The following PCDHGB2 variants were observed in gnomAD, a reference collection of about 807,000 sequenced individuals.
PCDHGB2 encodes protocadherin gamma subfamily B, 2.
Under a neutral mutation model 59.3 loss-of-function variants are expected in PCDHGB2, and 55 were observed. The ratio of observed to expected loss-of-function variants is 0.93; its 90% CI spans 0.75 to 1.16. The LOEUF is 1.16. Ranked by LOEUF, PCDHGB2 falls within the 50% of genes most tolerant of loss-of-function variation. The probability of loss-of-function intolerance (pLI) is 0.00; values close to 1 mark genes in which losing one functional copy is unlikely to be tolerated. For missense variants in PCDHGB2, 1,228 were observed against 1,198.5 expected (o/e 1.02, Z -0.36); for synonymous variants, 516 against 512.0 (o/e 1.01, Z -0.11).
chr5:141,402,854 C>A, intron 1 of PCDHGB2: 2 of 1,423,530 alleles, frequency 1.4e-6, no homozygotes, highest in Non-Finnish European at 1.8e-6. Flanking sequence ...CCTCTTTCTT[C>A]TAAGGAAAAG....
chr5:141,511,140 C>T lies in PCDHGB2; in HGVS notation c.2763C>T (p.Asn921=). Reference sequence around the variant, plus strand: ...AGGCCCCAGCAGGTGGCAATGGCAACAAGAAGAAGTCGGGCAAGAAGGAGA... The same window carrying T: ...AGGCCCCAGCAGGTGGCAATGGCAATAAGAAGAAGTCGGGCAAGAAGGAGA... ...DGKAPAGGNG[N]KKKSGKKEKK is the part of the protein sequence containing the mutation. Residue 921 remains asparagine (N), a synonymous_variant, in exon 4 of 4, where the codon AAC becomes AAT. Transcript: ENST00000522605. The T allele has an allele frequency of 1.2e-6, 2 of 1,614,186 alleles. No homozygotes were observed. The highest frequency in any genetic ancestry group is 1.3e-5 in the African/African-American group (1 of 75,050).
intron 1 of PCDHGB2, chr5:141,419,944 C>T (rs1375807568): frequency 6.2e-7 from 1 of 1,614,066 alleles, no homozygotes; most frequent in South Asian, 1.1e-5. Flanking sequence ...TGGTGGTGGC[C>T]TTGGCCTTGA....
At chr5:141,419,663 G>T (rs1459319505) in intron 1 of PCDHGB2, 1 of 1,612,710 alleles carries the variant, frequency 6.2e-7, no homozygotes, top group Non-Finnish European at 8.5e-7. Flanking sequence ...GGGGCACAAT[G>T]CCTGGCTGTC....
In PCDHGB2 at chr5:141,490,000, A is replaced by G. The variant is rs762999106; in HGVS notation, c.2422-4807A>G. The G allele has an allele frequency of 6.2e-7, 1 of 1,614,198 alleles. No individual in the cohort carries two copies. Among genetic ancestry groups the G allele is most frequent in the Admixed American group, 1.7e-5 (1 of 60,032 alleles). ...AGTTCTACGTGTGGGAATCCCAGAG[A>G]ATGCACCCATTGGTACTCTGCTGCT... On this transcript the variant is annotated intron_variant, in intron 1 of 3. Coordinates refer to ENST00000522605, the MANE Select transcript of PCDHGB2 (RefSeq NM_018923.3). The surrounding 1 kb of genome is among the most constrained non-coding windows in gnomAD (Gnocchi z 4.5).
intron 1 of PCDHGB2, among the ~76,000 whole-genome samples, chr5:141,436,613 A>C (rs1334315821): frequency 1.3e-5 from 2 of 152,206 alleles, no homozygotes; most frequent in Non-Finnish European, 2.9e-5. Flanking sequence ...AGGGCTAACA[A>C]AAATCTGATT....
chr5:141,424,616 T>C (rs1487572877), intron 1 of PCDHGB2: 1 of 152,152 alleles, frequency 6.6e-6, no homozygotes, highest in Non-Finnish European at 1.5e-5. Flanking sequence ...TCAAATAGAG[T>C]AGTTTGTGAA....
chr5:141,475,908 A>G (rs531350638), intron 1 of PCDHGB2: 110 of 585,688 alleles, frequency 1.9e-4, no homozygotes, highest in Non-Finnish European at 2.5e-4. Context: ...CTGTCGGCCA[A>G]TGAAGACGCT....
chr5:141,366,863 C>T, intron 1 of PCDHGB2: 2 of 1,430,882 alleles, frequency 1.4e-6, no homozygotes, highest in African/African-American at 1.4e-5. Flanking sequence ...ACATTATTTG[C>T]TGTATTGGAG....
At chr5:141,391,358 G>T (rs2150448712) in intron 1 of PCDHGB2, 1 of 150,474 alleles carries the variant, frequency 6.6e-6, no homozygotes, top group East Asian at 1.9e-4. Context: ...TGTTACTCAG[G>T]CTGTAGTGCA....
chr5:141,374,065 A>G (rs776038796), intron 1 of PCDHGB2: 1 of 1,497,724 alleles, frequency 6.7e-7, no homozygotes, highest in Non-Finnish European at 8.9e-7. Flanking sequence ...ATCCCAGAGA[A>G]GTTCCTAATA....
At chr5:141,387,764 A>AT (rs1054166588) in intron 1 of PCDHGB2, 8 of 1,430,464 alleles carry the variant, frequency 5.6e-6, no homozygotes, top group Non-Finnish European at 7.4e-6. Context: ...AAAAAGAAGA[A>AT]TTTTTTCTTG....
chr5:141,465,781 T>G (rs2099109506), intron 1 of PCDHGB2, among the ~76,000 whole-genome samples: 1 of 150,278 alleles, frequency 6.7e-6, no homozygotes, highest in Non-Finnish European at 1.5e-5. Context: ...TTGTTACAGT[T>G]TTTTTTTTTT....
Position 141,437,485 on chromosome 5 carries a change from C to T in PCDHGB2, c.2422-57322C>T, listed in dbSNP as rs372023505. The stretch of plus-strand genomic sequence containing the variant: ...TATACTTTTATAGCATATTTAATCT[C>T]GTAGATCACTTTTCAATGAATTATA... On this transcript the variant is annotated intron_variant, in intron 1 of 3. Transcript: ENST00000522605. Among the ~76,000 whole-genome samples, 16 of 152,188 alleles carry T rather than the reference C, an allele frequency of 1.1e-4. No individual in the cohort carries two copies. In the East Asian group the frequency reaches 2.9e-3, roughly 28 times the overall value.
intron 1 of PCDHGB2, chr5:141,372,390 G>GA: frequency 6.2e-7 from 1 of 1,614,044 alleles, no homozygotes; most frequent in Non-Finnish European, 8.5e-7. Context: ...AATCTTCGCA[G>GA]ATAGCTTGCA....
Position 141,476,974 on chromosome 5 carries a change from C to G in PCDHGB2, c.2422-17833C>G. 1 of 1,614,268 alleles carries G rather than the reference C, an allele frequency of 6.2e-7. No homozygotes were observed. The highest frequency in any genetic ancestry group is 1.3e-5 in the African/African-American group (1 of 75,080). On this transcript the variant is annotated intron_variant, in intron 1 of 3. Coordinates refer to ENST00000522605, the MANE Select transcript of PCDHGB2 (RefSeq NM_018923.3). This position sits in a 1 kb window ranked among gnomAD's most constrained non-coding sequence, Gnocchi z 7.6. ...AAATTATTTACTCCTTCGGCAGCCA[C>G]AACCGCGCCGGCGTGCGGCAACTAT...
At chr5:141,364,857 T>C (rs1243069537) in intron 1 of PCDHGB2, 1 of 1,614,008 alleles carries the variant, frequency 6.2e-7, no homozygotes, top group South Asian at 1.1e-5. Context: ...AGCTCCAATC[T>C]GCACTTCTCT....
chr5:141,499,466 G>C (rs1337970911), intron 2 of PCDHGB2, among the ~76,000 whole-genome samples: 1 of 152,034 alleles, frequency 6.6e-6, no homozygotes, highest in African/African-American at 2.4e-5. Flanking sequence ...TTACAATCTA[G>C]GGAGAACCAC....
chr5:141,364,320 G>C (rs777179865), intron 1 of PCDHGB2: 7 of 1,526,276 alleles, frequency 4.6e-6, no homozygotes, highest in Non-Finnish European at 6.1e-6. Flanking sequence ...AAATTGGGCA[G>C]AGAGAAGGCA....
rs1374190670 is a variant in PCDHGB2 at position 141,487,196 on chromosome 5, G to C, written c.2422-7611G>C. ...GGAAGACACTCATCCAGTTGTCCCAGATCTTCGAGAATCTTCAGCTCCAAG... is the reference window on the plus strand; with the variant it reads ...GGAAGACACTCATCCAGTTGTCCCACATCTTCGAGAATCTTCAGCTCCAAG... On this transcript the variant is annotated intron_variant, in intron 1 of 3. Coordinates refer to ENST00000522605, the MANE Select transcript of PCDHGB2 (RefSeq NM_018923.3). The surrounding 1 kb of genome is among the most constrained non-coding windows in gnomAD (Gnocchi z 5.0). 6.2e-7 allele frequency: 1 copy of C among 1,613,878 alleles called. No homozygotes were observed. Among genetic ancestry groups the C allele is most frequent in the Admixed American group, 1.7e-5 (1 of 60,030 alleles).
Sources: gnomAD v4.1 joint callset for allele counts (sites outside exome capture counted in the v4.1 genomes callset) on GRCh38, gnomAD v4.1.1 for gene constraint, Gnocchi (gnomAD v3.1) non-coding constraint, MANE v1.5 for transcripts, NCBI Gene and HGNC (gene_info 2026-07-23, HGNC 2026-07-21) for gene names.